The following RADIL variants were observed in gnomAD, a reference collection of about 807,000 sequenced individuals.
The protein encoded by RADIL is Rap associating with DIL domain.
A neutral mutation model predicts 97.6 loss-of-function variants in RADIL; 99 were observed. That is an observed-to-expected ratio of 1.01 (90% CI 0.86 to 1.20). The LOEUF (loss-of-function observed/expected upper bound fraction) is 1.20, where lower values mean the gene tolerates loss of function less well. RADIL is among the 50% of genes most tolerant of loss of function. The pLI is 0.00. For missense variants in RADIL, 1,765 were observed against 1,498.9 expected (o/e 1.18, Z -2.93); for synonymous variants, 803 against 691.8 (o/e 1.16, Z -2.52).
chr7:4,817,249 T>C lies in RADIL; in HGVS notation c.1718A>G (p.Tyr573Cys), dbSNP rs200825463. 47 of 1,611,666 alleles carry C rather than the reference T, an allele frequency of 2.9e-5. No homozygotes were observed. The Admixed American group carries it at 3.7e-4, about 13-fold the overall frequency. Residue 573 changes from tyrosine (Y) to cysteine (C), a missense_variant, in exon 7 of 15, where the codon TAT (tyrosine) becomes TGT (cysteine). Physicochemically the swap from Tyr to Cys is radical, Grantham distance 194. Transcript: ENST00000399583. The surrounding 1 kb of genome is among the most constrained non-coding windows in gnomAD (Gnocchi z 8.3). ...AGCCCGTCCGTGCACCTTGGAGACA[T>C]AGTAGACGCACTGCTGGAAGGCGTA... ...VLYAFQQCVY[Y>C]VSKSLYICLP... is the part of the protein sequence containing the mutation.
rs1016912282 is a variant in RADIL at position 4,840,922 on chromosome 7, G to A, written c.536-4317C>T. ...GTGGAGGTTGCAGTGACCTGAGATC[G>A]CACCACTGCACTCCAGCCTGGGTGA... On this transcript the variant is annotated intron_variant, in intron 2 of 14. Coordinates refer to ENST00000399583, the MANE Select transcript of RADIL (RefSeq NM_018059.5). This position sits in a 1 kb window ranked among gnomAD's most constrained non-coding sequence, Gnocchi z 5.6. Among the ~76,000 whole-genome samples, 61 of 152,106 alleles carry A rather than the reference G, an allele frequency of 4.0e-4. No homozygotes were observed. The highest frequency in any genetic ancestry group is 3.7e-3 in the Admixed American group (57 of 15,262).
At position 4,799,180 on chromosome 7, in the gene RADIL, A is replaced by G; in HGVS notation, c.*198T>C. 1 of 589,298 alleles carries G rather than the reference A, an allele frequency of 1.7e-6. No individual in the cohort carries two copies. Among genetic ancestry groups the G allele is most frequent in the South Asian group, 2.0e-5 (1 of 49,726 alleles). The allele number at this position is 589,298 out of a possible 1,614,324, so 36.5% of individuals were successfully genotyped here. ...TAAACATAAAAGCTCTGTAACAAAC[A>G]TCACAATTTCACGTCATCTGCCATA... On this transcript the variant is annotated 3_prime_UTR_variant, in exon 15 of 15. Transcript: ENST00000399583.
At position 4,835,141 on chromosome 7, in the gene RADIL, C is replaced by G; in HGVS notation, c.882G>C (p.Leu294=). ...GCCGGCGGATGGTGCAGTGTAGAGG[C>G]AGGATGTCGGGGGCTGAGAGGCTGA... ...PSISLSAPDI[L]PLHCTIRRQP... is the part of the protein sequence containing the mutation. The change falls in exon 4 of 15, where the codon CTG becomes CTC. Residue 294 remains leucine, a synonymous_variant. Coordinates refer to ENST00000399583, the MANE Select transcript of RADIL (RefSeq NM_018059.5). The surrounding 1 kb of genome is among the most constrained non-coding windows in gnomAD (Gnocchi z 5.8). 6.2e-7 allele frequency: 1 copy of G among 1,610,642 alleles called. No homozygotes were observed. Among genetic ancestry groups the G allele is most frequent in the Non-Finnish European group, 8.5e-7 (1 of 1,178,926 alleles).
At chr7:4,857,898 A>G (rs976334773) in intron 2 of RADIL, 5 of 152,660 alleles carry the variant, frequency 3.3e-5, no homozygotes, top group Admixed American at 2.0e-4. Context: ...CAGGTAATAA[A>G]AATTAGAAAT....
chr7:4,838,007 G>C, intron 2 of RADIL: 12 of 985,406 alleles, frequency 1.2e-5, no homozygotes, highest in Non-Finnish European at 1.3e-5. Context: ...ACCCTTACCA[G>C]CGCCAGCAGC....
chr7:4,830,705 C>T (rs1479742373), intron 5 of RADIL, among the ~76,000 whole-genome samples: 6 of 151,932 alleles, frequency 3.9e-5, no homozygotes, highest in Admixed American at 3.9e-4. Context: ...TGGAGAATCC[C>T]CATCTCTACT....
chr7:4,883,269 T>C lies in RADIL; in HGVS notation c.-65+327A>G, dbSNP rs1562464032. On this transcript the variant is annotated intron_variant, in intron 1 of 14. Coordinates refer to ENST00000399583, the MANE Select transcript of RADIL (RefSeq NM_018059.5). This position sits in a 1 kb window ranked among gnomAD's most constrained non-coding sequence, Gnocchi z 7.1. ...ACTGAGGGCCGAGAGTCCCCTGGAG[T>C]TGGGGGTCCGGGGCCCACGCGGACA... Among the ~76,000 whole-genome samples, 1 of 149,066 alleles carries C rather than the reference T, an allele frequency of 6.7e-6. No individual in the cohort carries two copies. Among genetic ancestry groups the C allele is most frequent in the Non-Finnish European group, 1.5e-5 (1 of 67,670 alleles).
chr7:4,810,775 C>A (rs547237973), intron 9 of RADIL, among the ~76,000 whole-genome samples: 100 of 152,340 alleles, frequency 6.6e-4, no homozygotes, highest in African/African-American at 2.2e-3. Context: ...GGGTTCAAAC[C>A]ACTGCACCTG....
intron 10 of RADIL, 151 bp downstream of exon 10, chr7:4,805,415 G>T (rs1782273697): frequency 4.3e-6 from 4 of 940,784 alleles, no homozygotes; most frequent in South Asian, 3.2e-5. Flanking sequence ...GGGGCGGGGG[G>T]GTCCTCTGGG....
rs569021080 is a variant in RADIL, at chr7:4,798,090, T to TTA, written c.*1286_*1287dup. 2 of 147,950 alleles carry TTA rather than the reference T, an allele frequency of 1.4e-5. No homozygotes were observed. The highest frequency in any genetic ancestry group is 6.8e-5 in the Admixed American group (1 of 14,810). The allele number at this position is 147,950 out of a possible 1,614,324, so 9.2% of individuals were successfully genotyped here. ...AATATATTCATATATAATTATATAT[T>TTA]TATATATATTCATATATTTTACATA... On this transcript the variant is annotated 3_prime_UTR_variant, in exon 15 of 15. Coordinates refer to ENST00000399583, the MANE Select transcript of RADIL (RefSeq NM_018059.5).
chr7:4,814,681 C>G lies in RADIL; in HGVS notation c.2139+597G>C, dbSNP rs1196425767. On this transcript the variant is annotated intron_variant, in intron 9 of 14. Coordinates refer to ENST00000399583, the MANE Select transcript of RADIL (RefSeq NM_018059.5). The surrounding 1 kb of genome is among the most constrained non-coding windows in gnomAD (Gnocchi z 4.5). ...GGCCACACAGTGCACTCTCACAGCT[C>G]CGCGGCTCCACAGCTCAGCCGGGTC... Among the ~76,000 whole-genome samples the G allele has an allele frequency of 6.6e-6, 1 of 152,206 alleles. No homozygotes were observed. The highest frequency in any genetic ancestry group is 2.4e-5 in the African/African-American group (1 of 41,462).
Position 4,853,882 on chromosome 7 carries a change from C to A in RADIL, c.536-17277G>T, listed in dbSNP as rs143900981. On this transcript the variant is annotated intron_variant, in intron 2 of 14. Transcript: ENST00000399583. ...GACATTCTCTCCTTCCTCTTAATAG[C>A]ATAAGCCCTAAGCTATTGGTGAGGT... is the stretch of plus-strand genomic sequence containing the variant. Among the ~76,000 whole-genome samples, 642 of 152,128 alleles carry A rather than the reference C, an allele frequency of 4.2e-3. 2 individuals carry two copies. Among genetic ancestry groups the A allele is most frequent in the African/African-American group, 0.015 (603 of 41,480 alleles).
At chr7:4,812,169 C>A (rs981689346) in intron 9 of RADIL, among the ~76,000 whole-genome samples, 1 of 152,208 alleles carries the variant, frequency 6.6e-6, no homozygotes, top group African/African-American at 2.4e-5. Context: ...GTGGGCGCTA[C>A]CACACCTGGC....
At chr7:4,844,077 C>T (rs1490469762) in intron 2 of RADIL, among the ~76,000 whole-genome samples, 3 of 152,050 alleles carry the variant, frequency 2.0e-5, no homozygotes, top group Non-Finnish European at 4.4e-5. Context: ...CTGCTGTAAC[C>T]ACTTCTCTTC....
At chr7:4,805,409 CGG>C (rs34277804) in intron 10 of RADIL, 155 bp downstream of exon 10, 11 of 477,532 alleles carry the variant, frequency 2.3e-5, no homozygotes, top group South Asian at 2.3e-4. Flanking sequence ...TGGGGCGGGG[CGG>C]GGGGGTCCTC....
At chr7:4,857,356 A>T (rs370291634) in intron 2 of RADIL, among the ~76,000 whole-genome samples, 21 of 152,198 alleles carry the variant, frequency 1.4e-4, no homozygotes, top group African/African-American at 4.8e-4. Context: ...AAAACAGCAT[A>T]CAGTTGGACT....
At position 4,849,004 on chromosome 7, in the gene RADIL, G is replaced by A. The variant is rs1480173244; in HGVS notation, c.536-12399C>T. 1.3e-5 allele frequency among the ~76,000 whole-genome samples: 2 copies of A among 152,102 alleles called. No individual in the cohort carries two copies. Among genetic ancestry groups the A allele is most frequent in the Non-Finnish European group, 2.9e-5 (2 of 68,028 alleles). ...AAATACAAAATTAGCCGGGCGTGGT[G>A]GCATATGCCTGTAATCCCAGCTACT... On this transcript the variant is annotated intron_variant, in intron 2 of 14. Coordinates refer to ENST00000399583, the MANE Select transcript of RADIL (RefSeq NM_018059.5). This position sits in a 1 kb window ranked among gnomAD's most constrained non-coding sequence, Gnocchi z 5.4.
Position 4,863,985 on chromosome 7 carries a change from T to C in RADIL, c.535+13620A>G, listed in dbSNP as rs192504943. 1.2e-4 allele frequency among the ~76,000 whole-genome samples: 18 copies of C among 152,344 alleles called. No individual in the cohort carries two copies. The East Asian group carries it at 3.5e-3, about 29-fold the overall frequency. ...TAGAGACTTCCTTTATTTTCCTGGGTACTCAGCTATGCATTCAAAAAAATG... is the reference window on the plus strand; with the variant it reads ...TAGAGACTTCCTTTATTTTCCTGGGCACTCAGCTATGCATTCAAAAAAATG... On this transcript the variant is annotated intron_variant, in intron 2 of 14. Coordinates refer to ENST00000399583, the MANE Select transcript of RADIL (RefSeq NM_018059.5).
In RADIL at chr7:4,835,351, G is replaced by A; in HGVS notation, c.784-112C>T. 1.4e-6 allele frequency: 2 copies of A among 1,383,546 alleles called. No homozygotes were observed. Among genetic ancestry groups the A allele is most frequent in the Non-Finnish European group, 2.0e-6 (2 of 1,023,572 alleles). 85.7% of individuals were successfully genotyped at this position (1,383,546 alleles called of 1,614,324 possible). ...AGCGTGGCTGGGATGCTGTCGCCAC[G>A]GGCTCTCCATGTCCCTGGCCACCCC... On this transcript the variant is annotated intron_variant, in intron 3 of 14. Transcript: ENST00000399583. This position sits in a 1 kb window ranked among gnomAD's most constrained non-coding sequence, Gnocchi z 5.8.
Sources: gnomAD v4.1 joint callset for allele counts (sites outside exome capture counted in the v4.1 genomes callset) on GRCh38, gnomAD v4.1.1 for gene constraint, Gnocchi (gnomAD v3.1) non-coding constraint, MANE v1.5 for transcripts, NCBI Gene and HGNC (gene_info 2026-07-23, HGNC 2026-07-21) for gene names.